The following CLOCK variants were observed in gnomAD, a reference collection of about 807,000 sequenced individuals.
CLOCK encodes the protein clock circadian regulator.
CLOCK carries 43 observed loss-of-function variants against 118.4 expected under a neutral mutation model. The ratio of observed to expected loss-of-function variants is 0.36; its 90% confidence interval spans 0.28 to 0.47. CLOCK has a LOEUF of 0.47. Ranked by LOEUF, CLOCK falls within the 20% of genes least tolerant of loss-of-function variation. The pLI, the probability that CLOCK is intolerant of heterozygous loss-of-function variation, is 1.00. For missense variants in CLOCK, 846 were observed against 999.9 expected, an observed-to-expected ratio of 0.85 and a Z score of 2.08; for synonymous variants, 326 against 339.2, an observed-to-expected ratio of 0.96 and a Z score of 0.43.
chr4:55,457,943 C>T (rs191174172), intron 11 of CLOCK, among the ~76,000 whole-genome samples: 3 of 152,250 alleles, frequency 2.0e-5, no homozygotes, highest in South Asian at 2.1e-4. Context: ...TGAGATAATG[C>T]ATATAAAATA....
In CLOCK at chr4:55,462,527, C is replaced by T. The variant is rs146555609; in HGVS notation, c.559+1158G>A. 3.5e-3 allele frequency among the ~76,000 whole-genome samples: 536 copies of T among 152,280 alleles called. 3 individuals are homozygous for T. The highest frequency in any genetic ancestry group is 0.012 in the African/African-American group (517 of 41,546). On this transcript the variant is annotated intron_variant, in intron 9 of 22. Transcript: ENST00000513440. The stretch of plus-strand genomic sequence containing the variant: ...CTCGTAGCCTCAAGTGGTCTGCCCA[C>T]CTCAGCCTCCCAAAGTGCTGGGATT...
intron 2 of CLOCK, among the ~76,000 whole-genome samples, chr4:55,494,283 A>G (rs1047657125): frequency 3.3e-5 from 5 of 152,154 alleles, no homozygotes. Flanking sequence ...GCCCTGTGGT[A>G]GGCAGAATAA....
rs530226091 is a variant in CLOCK at position 55,482,425 on chromosome 4, G to A, written c.47+314C>T. Among the ~76,000 whole-genome samples, 15 of 152,278 alleles carry A rather than the reference G, an allele frequency of 9.9e-5. No individual in the cohort carries two copies. The South Asian group carries it at 2.9e-3, about 29-fold the overall frequency. ...GATGAAGTTAGATAAGAAGAAAAAGGACTCCAGAAGGTTCCAAGGAAACAT... is the reference window on the plus strand; with the variant it reads ...GATGAAGTTAGATAAGAAGAAAAAGAACTCCAGAAGGTTCCAAGGAAACAT... On this transcript the variant is annotated intron_variant, in intron 4 of 22. Coordinates refer to ENST00000513440, the MANE Select transcript of CLOCK (RefSeq NM_004898.4).
chr4:55,501,033 T>G (rs1181936702), intron 2 of CLOCK, among the ~76,000 whole-genome samples: 1 of 151,982 alleles, frequency 6.6e-6, no homozygotes, highest in East Asian at 1.9e-4. Flanking sequence ...TTTGTGTTTT[T>G]AGAAGAGACG....
chr4:55,507,055 T>C (rs1728851923), intron 2 of CLOCK, among the ~76,000 whole-genome samples: 1 of 152,122 alleles, frequency 6.6e-6, no homozygotes, highest in Non-Finnish European at 1.5e-5. Context: ...GGCTCATGCT[T>C]GTAATCACAG....
intron 7 of CLOCK, among the ~76,000 whole-genome samples, chr4:55,475,602 C>T (rs1416325962): frequency 6.6e-6 from 1 of 151,874 alleles, no homozygotes; most frequent in East Asian, 1.9e-4. Context: ...TTGCCGTAGC[C>T]ACCCCAACCT....
chr4:55,513,347 A>G (rs1729286016), intron 1 of CLOCK, among the ~76,000 whole-genome samples: 1 of 152,134 alleles, frequency 6.6e-6, no homozygotes, highest in Admixed American at 6.5e-5. Context: ...CTATACATCT[A>G]AGTTTGTGTA....
intron 2 of CLOCK, among the ~76,000 whole-genome samples, chr4:55,492,870 C>A (rs1207743090): frequency 2.0e-5 from 3 of 151,938 alleles, no homozygotes; most frequent in African/African-American, 7.2e-5. Flanking sequence ...AAAATAAAAA[C>A]AGTAAAGCTA....
chr4:55,478,227 T>A (rs1181826052), intron 6 of CLOCK, among the ~76,000 whole-genome samples: 1 of 152,146 alleles, frequency 6.6e-6, no homozygotes, highest in African/African-American at 2.4e-5. Flanking sequence ...AAGATGATTT[T>A]CTTCTATTAA....
In CLOCK at chr4:55,443,906, T is replaced by C. The variant is rs1723575475; in HGVS notation, c.1693-10A>G. ...ATTGTTGCAAAAACATCTTTAAAAATAAAGATTATGTTAAAATGAGCTTTG... is the reference window on the plus strand; with the variant it reads ...ATTGTTGCAAAAACATCTTTAAAAACAAAGATTATGTTAAAATGAGCTTTG... On this transcript the variant is annotated splice_polypyrimidine_tract_variant and intron_variant, in intron 19 of 22. Coordinates refer to ENST00000513440, the MANE Select transcript of CLOCK (RefSeq NM_004898.4). The C allele has an allele frequency of 3.1e-6, 5 of 1,609,172 alleles. No individual in the cohort carries two copies. Among genetic ancestry groups the C allele is most frequent in the East Asian group, 2.2e-5 (1 of 44,796 alleles).
chr4:55,485,693 C>T (rs990372686), intron 3 of CLOCK, among the ~76,000 whole-genome samples: 17 of 152,134 alleles, frequency 1.1e-4, no homozygotes, highest in Non-Finnish European at 2.1e-4. Flanking sequence ...GGATCAGTTG[C>T]AGTTACTGGA....
intron 1 of CLOCK, among the ~76,000 whole-genome samples, chr4:55,512,219 C>G (rs1396475792): frequency 6.6e-6 from 1 of 152,086 alleles, no homozygotes; most frequent in African/African-American, 2.4e-5. Flanking sequence ...AATGAGAGTT[C>G]CTGTTGTTCC....
chr4:55,475,184 T>C (rs943396142), intron 7 of CLOCK, among the ~76,000 whole-genome samples: 7 of 152,136 alleles, frequency 4.6e-5, no homozygotes, highest in African/African-American at 1.4e-4. Flanking sequence ...GTGGATAACT[T>C]TGAGGGGTTC....
rs373948856 is a variant in CLOCK at position 55,442,473 on chromosome 4, C to A, written c.2064G>T (p.Gln688His). 3.1e-6 allele frequency: 5 copies of A among 1,605,766 alleles called. No individual in the cohort carries two copies. Among genetic ancestry groups the A allele is most frequent in the Non-Finnish European group, 4.2e-6 (5 of 1,178,006 alleles). The change falls in exon 21 of 23, where the codon CAG becomes CAT. Residue 688 changes from glutamine (Q) to histidine (H), a missense_variant. By Grantham distance (24) the Gln-to-His change is conservative (BLOSUM62 0). Around this residue, in one of 4 missense-constraint regions of CLOCK, gnomAD observed 520 missense variants for 558.0 expected, o/e 0.93. Coordinates refer to ENST00000513440, the MANE Select transcript of CLOCK (RefSeq NM_004898.4). ...IPSSMPQNSTQSAAVTTFTQD... is the reference protein window; with the variant it reads ...IPSSMPQNSTHSAAVTTFTQD... The stretch of plus-strand genomic sequence containing the variant: ...GAGTGAATGTAGTTACTGCAGCACT[C>A]TGGGTGCTGTTTTGTGGCATACTAG...
chr4:55,449,333 T>C, intron 17 of CLOCK, 63 bp downstream of exon 17: 1 of 1,406,132 alleles, frequency 7.1e-7, no homozygotes, highest in African/African-American at 1.4e-5. Flanking sequence ...TTTCTGAAGA[T>C]TTAGATCATT....
chr4:55,533,792 A>C (rs983023966), intron 1 of CLOCK, among the ~76,000 whole-genome samples: 12 of 152,048 alleles, frequency 7.9e-5, no homozygotes, highest in Non-Finnish European at 1.6e-4. Flanking sequence ...AATCCCAGCT[A>C]CTCGGGAGGC....
Position 55,546,774 on chromosome 4 carries a change from C to T in CLOCK, c.-290+8G>A, listed in dbSNP as rs1301428369. 1.3e-5 allele frequency: 2 copies of T among 152,230 alleles called. No homozygotes were observed. The highest frequency in any genetic ancestry group is 4.8e-5 in the African/African-American group (2 of 41,438). The allele number at this position is 152,230 out of a possible 1,614,324, so 9.4% of individuals were successfully genotyped here. ...AGGCCCTGGGCCCACCGGGCGGGCG[C>T]CTCTCACCGGGAGCGCTCGCGGCGG... is the stretch of plus-strand genomic sequence containing the variant. On this transcript the variant is annotated splice_region_variant and intron_variant, in intron 1 of 22. Transcript: ENST00000513440.
At chr4:55,454,532 T>C (rs1724757570) in intron 13 of CLOCK, among the ~76,000 whole-genome samples, 1 of 144,192 alleles carries the variant, frequency 6.9e-6, no homozygotes, top group African/African-American at 2.6e-5. Context: ...AGAGAATCAC[T>C]TGAACCCGGG....
At chr4:55,464,563 G>C (rs1341361600) in intron 8 of CLOCK, among the ~76,000 whole-genome samples, 1 of 152,212 alleles carries the variant, frequency 6.6e-6, no homozygotes, top group Non-Finnish European at 1.5e-5. Context: ...TAGGGATGCT[G>C]AGACAGTATC....
Sources: allele counts gnomAD v4.1 joint callset (sites outside exome capture counted in the v4.1 genomes callset), GRCh38; gene constraint gnomAD v4.1.1; regional missense constraint gnomAD v4.1.1; transcripts MANE v1.5; gene names NCBI Gene and HGNC (gene_info 2026-07-23, HGNC 2026-07-21).